ESR1: variants seen among roughly 807,000 people sequenced by gnomAD.
ESR1 encodes the protein estrogen receptor 1, also known as estrogen receptor.
A neutral mutation model predicts 52.7 loss-of-function variants in ESR1; 12 were observed. The observed-to-expected ratio is 0.23, with a 90% CI of 0.15 to 0.37. The LOEUF (loss-of-function observed/expected upper bound fraction) is 0.37. Ranked by LOEUF, ESR1 falls within the 10% of genes least tolerant of loss-of-function variation. ESR1 has a pLI of 1.00. For missense variants in ESR1, 584 were observed against 779.7 expected, an observed-to-expected ratio of 0.75 and a Z score of 2.99; for synonymous variants, 305 against 316.8, an observed-to-expected ratio of 0.96 and a Z score of 0.39.
chr6:152,006,125 T>C (rs2042313309), intron 4 of ESR1, among the ~76,000 whole-genome samples: 1 of 152,086 alleles, frequency 6.6e-6, no homozygotes, highest in Non-Finnish European at 1.5e-5. Flanking sequence ...TCTTCTAGCA[T>C]TGAGACTCAC....
chr6:151,659,534 C>T (rs1161839756), intron 1 of ESR1, among the ~76,000 whole-genome samples: 2 of 152,204 alleles, frequency 1.3e-5, no homozygotes, highest in Non-Finnish European at 1.5e-5. Context: ...TTTCTCATGG[C>T]TAATGAATGC....
chr6:151,686,501 T>A (rs150475485), upstream of ESR1, among the ~76,000 whole-genome samples: 2 of 152,066 alleles, frequency 1.3e-5, no homozygotes, highest in Admixed American at 6.6e-5. Context: ...CCGGCTAACA[T>A]GGTGAAACCC....
At chr6:151,942,148 A>G (rs2035145393) in intron 3 of ESR1, among the ~76,000 whole-genome samples, 1 of 152,234 alleles carries the variant, frequency 6.6e-6, no homozygotes, top group Non-Finnish European at 1.5e-5. Flanking sequence ...TCTGGCAATA[A>G]AAGTTGAAAT....
At chr6:151,712,842 C>T (rs538570420) in intron 2 of ESR1, among the ~76,000 whole-genome samples, 62 of 152,174 alleles carry the variant, frequency 4.1e-4, no homozygotes, top group African/African-American at 1.4e-3. Context: ...TTTCTTTTGC[C>T]TGATTGCCCT....
At chr6:151,882,568 T>A (rs1194730541) in intron 3 of ESR1, among the ~76,000 whole-genome samples, 1 of 152,218 alleles carries the variant, frequency 6.6e-6, no homozygotes, top group African/African-American at 2.4e-5. Context: ...AACAGCTGCA[T>A]AAGAAAAGCT....
At chr6:151,764,103 C>T (rs2128100406) in intron 2 of ESR1, among the ~76,000 whole-genome samples, 1 of 152,018 alleles carries the variant, frequency 6.6e-6, no homozygotes, top group African/African-American at 2.4e-5. Context: ...GCGAGATTGG[C>T]AAGTAGGGCG....
In ESR1 at chr6:151,890,992, G is replaced by A. The variant is rs541042055; in HGVS notation, c.760+10221G>A. Among the ~76,000 whole-genome samples the A allele has an allele frequency of 1.1e-4, 17 of 151,936 alleles. 2 individuals are homozygous for A. Among genetic ancestry groups the A allele is most frequent in the East Asian group, 9.7e-4 (5 of 5,164 alleles). On this transcript the variant is annotated intron_variant, in intron 3 of 7. Transcript: ENST00000206249. ...TTGCTGTCTTCCTTTGTGATTAGGC[G>A]ATTTTCTATAGTGGTATCCTTTGAA...
chr6:151,854,077 T>A (rs532644682), intron 2 of ESR1, among the ~76,000 whole-genome samples: 22 of 152,310 alleles, frequency 1.4e-4, no homozygotes, highest in Admixed American at 4.6e-4. Flanking sequence ...TAGCTTTATA[T>A]CCTTTTAAAG....
chr6:152,034,802 A>G (rs899011577), intron 5 of ESR1, among the ~76,000 whole-genome samples: 1 of 152,222 alleles, frequency 6.6e-6, no homozygotes, highest in African/African-American at 2.4e-5. Context: ...ACTAACGACT[A>G]GCAAAGGATA....
At position 152,103,212 on chromosome 6, in the gene ESR1, G is replaced by T; in HGVS notation, c.*4246G>T. On this transcript the variant is annotated 3_prime_UTR_variant, in exon 8 of 8. Coordinates refer to ENST00000206249, the MANE Select transcript of ESR1 (RefSeq NM_000125.4). ...ACTTTGAAAAAGAATCCAGCGGGAT[G>T]CTCGAGCACCTGTAAACAATTTTCT... 5.3e-6 allele frequency: 1 copy of T among 190,108 alleles called. No individual in the cohort carries two copies. Among genetic ancestry groups the T allele is most frequent in the East Asian group, 8.4e-5 (1 of 11,974 alleles). The allele number at this position is 190,108 out of a possible 1,614,324, so 11.8% of individuals were successfully genotyped here. A position where few individuals can be genotyped will look rare whatever the true frequency, so the allele number is the denominator to read the frequency against.
intron 3 of ESR1, among the ~76,000 whole-genome samples, chr6:151,888,659 AT>A (rs374291061): frequency 4.4e-4 from 67 of 151,832 alleles, no homozygotes; most frequent in African/African-American, 1.5e-3. Context: ...GCATGCCTTT[AT>A]TTTTTTTCTT....
chr6:151,729,667 T>C (rs1390326979), intron 2 of ESR1, among the ~76,000 whole-genome samples: 1 of 152,180 alleles, frequency 6.6e-6, no homozygotes. Flanking sequence ...CAAGCCTGTG[T>C]GGTAGGTCCT....
chr6:151,764,702 T>C (rs1158224102), intron 2 of ESR1, among the ~76,000 whole-genome samples: 1 of 152,242 alleles, frequency 6.6e-6, no homozygotes, highest in Non-Finnish European at 1.5e-5. Context: ...CATTTTAAGA[T>C]GTCTATCAGT....
intron 3 of ESR1, among the ~76,000 whole-genome samples, chr6:151,933,732 T>A (rs2033999846): frequency 6.6e-6 from 1 of 152,134 alleles, no homozygotes. Context: ...TTTGTCTTTG[T>A]AGAGCCCTCA....
At chr6:151,869,755 T>C (rs536227703) in intron 2 of ESR1, among the ~76,000 whole-genome samples, 1 of 152,212 alleles carries the variant, frequency 6.6e-6, no homozygotes, top group Non-Finnish European at 1.5e-5. Flanking sequence ...ATTCCTTTTT[T>C]AAAAATTTTT....
At chr6:151,853,888 A>G (rs1170170181) in intron 2 of ESR1, among the ~76,000 whole-genome samples, 1 of 152,224 alleles carries the variant, frequency 6.6e-6, no homozygotes. Flanking sequence ...ATTCCATTAG[A>G]AAGCTTTGTT....
chr6:151,662,513 G>A (rs560373023), intron 1 of ESR1, among the ~76,000 whole-genome samples: 4 of 152,260 alleles, frequency 2.6e-5, no homozygotes, highest in Admixed American at 6.5e-5. Context: ...TGGGTCTTGG[G>A]ACCAGCTCAG....
At position 152,070,692 on chromosome 6, in the gene ESR1, G is replaced by A. The variant is rs1050364160; in HGVS notation, c.1369+9568G>A. Among the ~76,000 whole-genome samples, 40 of 138,624 alleles carry A rather than the reference G, an allele frequency of 2.9e-4. 11 individuals carry two copies. The highest frequency in any genetic ancestry group is 1.1e-3 in the African/African-American group (36 of 31,580). The allele number at this position is 138,624 out of a possible 152,430, so 90.9% of individuals were successfully genotyped here. On this transcript the variant is annotated intron_variant, in intron 6 of 7. Coordinates refer to ENST00000206249, the MANE Select transcript of ESR1 (RefSeq NM_000125.4). ...AAGGATGGAAAAGCAAACTCCCTGC[G>A]TTGAGTTCCATCTTGCCCTGCATGG...
At position 151,943,963 on chromosome 6, in the gene ESR1, G is replaced by C. The variant is rs114141096; in HGVS notation, c.761-210G>C. 3.6e-3 allele frequency among the ~76,000 whole-genome samples: 544 copies of C among 152,204 alleles called. 4 individuals are homozygous for C. Among genetic ancestry groups the C allele is most frequent in the African/African-American group, 0.012 (519 of 41,522 alleles). On this transcript the variant is annotated intron_variant, in intron 3 of 7. Transcript: ENST00000206249. ...TACACCATGAAAATTGGCATGTTAT[G>C]GTGGTAGTATTTACACCATGAAAAC...
Sources: gnomAD v4.1 joint callset for allele counts (sites outside exome capture counted in the v4.1 genomes callset) on GRCh38, gnomAD v4.1.1 for gene constraint, MANE v1.5 for transcripts, NCBI Gene and HGNC (gene_info 2026-07-23, HGNC 2026-07-21) for gene names.